COP1: variants seen among roughly 807,000 people sequenced by gnomAD.
COP1 encodes the protein E3 ubiquitin-protein ligase COP1.
In COP1, 24 loss-of-function variants were observed where a neutral mutation model predicts 101.3. That is an observed-to-expected ratio of 0.24 (90% confidence interval 0.17 to 0.33). The LOEUF (loss-of-function observed/expected upper bound fraction) is 0.33, where lower values mean the gene tolerates loss of function less well. Ranked by LOEUF, COP1 falls within the 10% of genes least tolerant of loss-of-function variation. The pLI is 1.00. For missense variants in COP1, 663 were observed against 906.2 expected (o/e 0.73, Z 3.45); for synonymous variants, 347 against 341.9 (o/e 1.01, Z -0.17).
intron 6 of COP1, among the ~76,000 whole-genome samples, chr1:176,139,258 T>C (rs577760984): frequency 1.4e-5 from 2 of 139,324 alleles, no homozygotes; most frequent in African/African-American, 5.7e-5. Flanking sequence ...TGGCAATTAT[T>C]GAAAAGTGAA....
At chr1:176,183,331 A>G (rs1337158947) in intron 2 of COP1, among the ~76,000 whole-genome samples, 2 of 152,222 alleles carry the variant, frequency 1.3e-5, no homozygotes, top group Non-Finnish European at 2.9e-5. Context: ...TTAGAACACA[A>G]GGTATACTAA....
intron 18 of COP1, chr1:175,968,537 C>T (rs764435781): frequency 9.7e-6 from 5 of 516,728 alleles, no homozygotes; most frequent in African/African-American, 1.9e-5. Context: ...CAGCAGCTTC[C>T]ATTTCTGGTG....
chr1:176,119,861 T>C (rs1397390174), intron 8 of COP1, among the ~76,000 whole-genome samples: 1 of 152,206 alleles, frequency 6.6e-6, no homozygotes, highest in Non-Finnish European at 1.5e-5. Context: ...AATACTATTA[T>C]CATTCTCATT....
At chr1:176,102,279 A>G (rs532385973) in intron 9 of COP1, among the ~76,000 whole-genome samples, 6 of 152,126 alleles carry the variant, frequency 3.9e-5, no homozygotes, top group South Asian at 2.1e-4. Context: ...TTTTCGCCCA[A>G]TAAATTACGT....
At chr1:176,162,046 A>C (rs1243607199) in intron 5 of COP1, among the ~76,000 whole-genome samples, 1 of 152,226 alleles carries the variant, frequency 6.6e-6, no homozygotes, top group Non-Finnish European at 1.5e-5. Context: ...AAAAGTCTAC[A>C]AGAAAAGAAA....
At chr1:176,081,946 A>G (rs1007719023) in intron 10 of COP1, among the ~76,000 whole-genome samples, 1 of 152,210 alleles carries the variant, frequency 6.6e-6, no homozygotes, top group South Asian at 2.1e-4. Flanking sequence ...ATGAAAAACA[A>G]TAATTCCATC....
chr1:176,019,095 G>A (rs1426006888), intron 15 of COP1, among the ~76,000 whole-genome samples: 1 of 152,092 alleles, frequency 6.6e-6, no homozygotes, highest in Non-Finnish European at 1.5e-5. Flanking sequence ...GAACCTGGGA[G>A]GCAGACGCTG....
chr1:176,109,436 A>G (rs1374210136), intron 9 of COP1, among the ~76,000 whole-genome samples: 1 of 152,150 alleles, frequency 6.6e-6, no homozygotes, highest in Non-Finnish European at 1.5e-5. Flanking sequence ...ACTATTAATT[A>G]CTTTTTGGTA....
At chr1:175,958,043 T>C (rs1388912921) in intron 18 of COP1, among the ~76,000 whole-genome samples, 1 of 152,098 alleles carries the variant, frequency 6.6e-6, no homozygotes, top group Non-Finnish European at 1.5e-5. Flanking sequence ...GATTACAAAG[T>C]GACACAAGGT....
At chr1:175,967,831 C>T (rs1225932277) in intron 18 of COP1, among the ~76,000 whole-genome samples, 3 of 152,154 alleles carry the variant, frequency 2.0e-5, no homozygotes, top group South Asian at 2.1e-4. Flanking sequence ...ACCCTGAATT[C>T]GTTAAGCCAA....
intron 3 of COP1, among the ~76,000 whole-genome samples, chr1:176,171,054 G>C (rs1192784686): frequency 6.8e-6 from 1 of 146,860 alleles, no homozygotes; most frequent in Non-Finnish European, 1.5e-5. Flanking sequence ...GATCCCAGCA[G>C]GTGGAGCTTG....
intron 15 of COP1, 95 bp downstream of exon 15, chr1:176,027,477 C>G: frequency 1.3e-6 from 1 of 770,252 alleles, no homozygotes; most frequent in Admixed American, 1.9e-5. Flanking sequence ...AACATTTAAA[C>G]CTACAAAAGA....
chr1:176,078,443 T>C (rs574766374), intron 11 of COP1, among the ~76,000 whole-genome samples: 1 of 152,302 alleles, frequency 6.6e-6, no homozygotes, highest in East Asian at 1.9e-4. Context: ...TAGCTAGCCA[T>C]GTGCAGAAGA....
At chr1:176,206,510 C>T in intron 1 of COP1, 62 bp downstream of exon 1, 1 of 1,580,676 alleles carries the variant, frequency 6.3e-7, no homozygotes, top group Non-Finnish European at 8.6e-7. Context: ...CCCCCCGCCC[C>T]CAAGCCTAAG....
At chr1:176,094,357 TA>T (rs1302927181) in intron 9 of COP1, among the ~76,000 whole-genome samples, 2 of 151,546 alleles carry the variant, frequency 1.3e-5, no homozygotes, top group African/African-American at 4.8e-5. Context: ...TATGCCAGTT[TA>T]ATTATTAAAT....
At chr1:176,174,643 T>C (rs931641200) in intron 3 of COP1, among the ~76,000 whole-genome samples, 2 of 152,180 alleles carry the variant, frequency 1.3e-5, no homozygotes, top group Non-Finnish European at 2.9e-5. Context: ...AGGAAAACCA[T>C]AGCTGAATAC....
At chr1:175,993,053 AG>A (rs1395750357) in intron 15 of COP1, among the ~76,000 whole-genome samples, 1 of 152,182 alleles carries the variant, frequency 6.6e-6, no homozygotes, top group Non-Finnish European at 1.5e-5. Flanking sequence ...AAACTTCCAG[AG>A]GAACGATCAG....
chr1:176,160,873 G>A (rs532787494), intron 5 of COP1, among the ~76,000 whole-genome samples: 5 of 152,140 alleles, frequency 3.3e-5, no homozygotes, highest in Admixed American at 6.5e-5. Flanking sequence ...TACCACCTCC[G>A]TTGGGGGTGG....
intron 9 of COP1, among the ~76,000 whole-genome samples, chr1:176,106,872 T>C (rs564520443): frequency 9.2e-5 from 14 of 152,294 alleles, no homozygotes; most frequent in South Asian, 6.2e-4. Context: ...GTTACATGAC[T>C]AGCTCACAAT....
Sources: allele counts gnomAD v4.1 joint callset (sites outside exome capture counted in the v4.1 genomes callset), GRCh38; gene constraint gnomAD v4.1.1; transcripts MANE v1.5; gene names NCBI Gene and HGNC (gene_info 2026-07-23, HGNC 2026-07-21).